The following CASZ1 variants were observed in gnomAD, a reference collection of about 807,000 sequenced individuals.
CASZ1 encodes castor zinc finger 1, also known as zinc finger protein castor homolog 1.
In CASZ1, 28 loss-of-function variants were observed where a neutral mutation model predicts 135.2. The ratio of observed to expected loss-of-function variants is 0.21; its 90% CI spans 0.15 to 0.28. The LOEUF is 0.28. Ranked by LOEUF, CASZ1 falls within the 10% of genes least tolerant of loss-of-function variation. The pLI is 1.00. For synonymous variants in CASZ1, 1,068 were observed against 1,073.4 expected (o/e 0.99, Z 0.10); for missense variants, 2,161 against 2,453.3 (o/e 0.88, Z 2.52).
rs995318030 is a variant in CASZ1 at position 10,639,562 on chromosome 1, T to C, written c.4660A>G (p.Ser1554Gly). Residue 1554 changes from serine to glycine, a missense_variant, in exon 21 of 21, where the codon AGC becomes GGC. Ser to Gly is a moderately conservative substitution (Grantham distance 56). Around this residue, in one of 7 missense-constraint regions of CASZ1, gnomAD observed 240 missense variants for 321.4 expected, o/e 0.75. Transcript: ENST00000377022. The surrounding 1 kb of genome is among the most constrained non-coding windows in gnomAD (Gnocchi z 4.0). The stretch of plus-strand genomic sequence containing the variant: ...CAGTCGGGCACGGCGCAGTCGGCGC[T>C]GGAGCTGAACTGGCAGAAGCCCGCG... ...SAAGFCQFSS[S>G]ADCAVPDCKY... 4.3e-6 allele frequency: 7 copies of C among 1,611,126 alleles called. No individual in the cohort carries two copies. Among genetic ancestry groups the C allele is most frequent in the Non-Finnish European group, 5.9e-6 (7 of 1,178,860 alleles).
rs1345833139 is a variant in CASZ1 at position 10,717,007 on chromosome 1, G to A, written c.-76-11463C>T. Among the ~76,000 whole-genome samples the A allele has an allele frequency of 6.6e-6, 1 of 152,092 alleles. No homozygotes were observed. The highest frequency in any genetic ancestry group is 1.5e-5 in the Non-Finnish European group (1 of 67,994). On this transcript the variant is annotated intron_variant, in intron 2 of 20. Coordinates refer to ENST00000377022, the MANE Select transcript of CASZ1 (RefSeq NM_001079843.3). The surrounding 1 kb of genome is among the most constrained non-coding windows in gnomAD (Gnocchi z 4.6). Reference sequence around the variant, plus strand: ...TGCCTTCACCAGCACAGGCAGGCGGGGCACAGACCTAGCAGAGGGCTGGGC... The same window carrying A: ...TGCCTTCACCAGCACAGGCAGGCGGAGCACAGACCTAGCAGAGGGCTGGGC...
rs188718443 is a variant in CASZ1, at chr1:10,703,289, G to A, written c.-24+2203C>T. On this transcript the variant is annotated intron_variant, in intron 3 of 20. Transcript: ENST00000377022. ...CACAGCAGTAGAACCGGGCCAGGGC[G>A]GCCTTGGTCCCTGGTCCTAGACAGA... is the stretch of plus-strand genomic sequence containing the variant. Among the ~76,000 whole-genome samples, 92 of 152,220 alleles carry A rather than the reference G, an allele frequency of 6.0e-4. 1 individual carries two copies. The highest frequency in any genetic ancestry group is 8.4e-4 in the Non-Finnish European group (57 of 68,016).
chr1:10,692,132 T>A (rs1285550554), intron 4 of CASZ1, among the ~76,000 whole-genome samples: 1 of 152,146 alleles, frequency 6.6e-6, no homozygotes, highest in Non-Finnish European at 1.5e-5. Flanking sequence ...AGGCCCTCGC[T>A]CCAGTCAGGA....
chr1:10,748,284 G>A lies in CASZ1; in HGVS notation c.-77+12417C>T, dbSNP rs145813027. Reference sequence around the variant, plus strand: ...ATACCATGTTCTTCACCTATCCTGGGCAGGGGCGGCAGGCCGAGCCCTGTG... The same window carrying A: ...ATACCATGTTCTTCACCTATCCTGGACAGGGGCGGCAGGCCGAGCCCTGTG... On this transcript the variant is annotated intron_variant, in intron 2 of 20. Transcript: ENST00000377022. 7.2e-3 allele frequency among the ~76,000 whole-genome samples: 1,098 copies of A among 152,174 alleles called. 13 individuals are homozygous for A. Among genetic ancestry groups the A allele is most frequent in the East Asian group, 0.03 (156 of 5,174 alleles).
Position 10,777,019 on chromosome 1 carries a change from G to C in CASZ1, c.-233-16162C>G, listed in dbSNP as rs1008699202. 6.6e-6 allele frequency among the ~76,000 whole-genome samples: 1 copy of C among 152,184 alleles called. No homozygotes were observed. The highest frequency in any genetic ancestry group is 1.5e-5 in the Non-Finnish European group (1 of 68,032). On this transcript the variant is annotated intron_variant, in intron 1 of 20. Transcript: ENST00000377022. This position sits in a 1 kb window ranked among gnomAD's most constrained non-coding sequence, Gnocchi z 4.4. ...CGGCCAGCCTCACCCTGAGCCAGTGGGGAAGATGACCGTGTTTCCAAATGG... is the reference window on the plus strand; with the variant it reads ...CGGCCAGCCTCACCCTGAGCCAGTGCGGAAGATGACCGTGTTTCCAAATGG...
At position 10,639,083 on chromosome 1, in the gene CASZ1, CTCGTCG is replaced by C. The variant is rs201089181; in HGVS notation, c.5133_5138del (p.Asp1711_Asp1712del). 0.04 allele frequency: 46,051 copies of C among 1,146,490 alleles called. 1,261 individuals are homozygous for C. The highest frequency in any genetic ancestry group is 0.091 in the South Asian group (4,470 of 48,908). The allele number at this position is 1,146,490 out of a possible 1,614,324, so 71.0% of individuals were successfully genotyped here. On this transcript the variant is annotated inframe_deletion, in exon 21 of 21. Transcript: ENST00000377022. This position sits in a 1 kb window ranked among gnomAD's most constrained non-coding sequence, Gnocchi z 4.0. ...ACTCCTCCGAGTCGGTGCGCAGGTC[CTCGTCG>C]TCGTCGTCCTCGTCGTCGTCCTCGT...
rs1046951682 is a variant in CASZ1, at chr1:10,794,905, C to T, written c.-234+1659G>A. On this transcript the variant is annotated intron_variant, in intron 1 of 20. Transcript: ENST00000377022. This position sits in a 1 kb window ranked among gnomAD's most constrained non-coding sequence, Gnocchi z 5.6. ...AACCGCCCGCCCGCCCGCGCCCGGC[C>T]AGCCCCCGCCAGCGGCCCCAGCGCG... Among the ~76,000 whole-genome samples, 3 of 151,036 alleles carry T rather than the reference C, an allele frequency of 2.0e-5. No homozygotes were observed. Among genetic ancestry groups the T allele is most frequent in the Admixed American group, 6.6e-5 (1 of 15,150 alleles).
chr1:10,738,721 G>T lies in CASZ1; in HGVS notation c.-77+21980C>A, dbSNP rs923997866. ...ATCAAGCGTAAACCCCACAGGGAGAGGGGGAGGAGAGGGAGGCAGGCCTGT... is the reference window on the plus strand; with the variant it reads ...ATCAAGCGTAAACCCCACAGGGAGATGGGGAGGAGAGGGAGGCAGGCCTGT... On this transcript the variant is annotated intron_variant, in intron 2 of 20. Transcript: ENST00000377022. Among the ~76,000 whole-genome samples, 18 of 152,282 alleles carry T rather than the reference G, an allele frequency of 1.2e-4. No individual in the cohort carries two copies. The East Asian group carries it at 3.3e-3, about 28-fold the overall frequency.
intron 4 of CASZ1, among the ~76,000 whole-genome samples, chr1:10,672,831 C>G (rs796489775): frequency 4.6e-5 from 7 of 152,364 alleles, no homozygotes; most frequent in African/African-American, 1.7e-4. Flanking sequence ...ACACACTCAT[C>G]AGCTCCAACT....
At chr1:10,644,291 T>G (rs1317395853) in intron 18 of CASZ1, among the ~76,000 whole-genome samples, 6 of 152,158 alleles carry the variant, frequency 3.9e-5, no homozygotes, top group African/African-American at 1.4e-4. Context: ...CACGGCTACC[T>G]CTCAGGCATC....
chr1:10,722,316 A>G (rs1639512316), intron 2 of CASZ1, among the ~76,000 whole-genome samples: 1 of 152,252 alleles, frequency 6.6e-6, no homozygotes, highest in African/African-American at 2.4e-5. Flanking sequence ...GTTTTGCTGA[A>G]GACACTCAGT....
chr1:10,787,700 C>T (rs1195611083), intron 1 of CASZ1, among the ~76,000 whole-genome samples: 1 of 152,128 alleles, frequency 6.6e-6, no homozygotes, highest in Non-Finnish European at 1.5e-5. Flanking sequence ...CAGAGACCAT[C>T]AGCAAAGAGG....
rs57183329 is a variant in CASZ1 at position 10,674,727 on chromosome 1, C to T, written c.17-9156G>A. On this transcript the variant is annotated intron_variant, in intron 4 of 20. Transcript: ENST00000377022. ...TTCCTGCCTGGTAACTGCAGGGCACCGCGGACCTGGAGTTCAGCCCCGTGT... is the reference window on the plus strand; with the variant it reads ...TTCCTGCCTGGTAACTGCAGGGCACTGCGGACCTGGAGTTCAGCCCCGTGT... Among the ~76,000 whole-genome samples the T allele has an allele frequency of 8.1e-3, 1,238 of 152,324 alleles. 21 individuals are homozygous for T. The highest frequency in any genetic ancestry group is 0.028 in the African/African-American group (1,179 of 41,576).
At chr1:10,661,515 A>T (rs1242767082) in intron 5 of CASZ1, 3 of 150,534 alleles carry the variant, frequency 2.0e-5, no homozygotes, top group African/African-American at 7.5e-5. Context: ...CAACACACAC[A>T]TGCATTCTCA....
chr1:10,704,914 G>A (rs1639140952), intron 3 of CASZ1, among the ~76,000 whole-genome samples: 1 of 152,286 alleles, frequency 6.6e-6, no homozygotes, highest in African/African-American at 2.4e-5. Context: ...TTGGACTTCA[G>A]GGGAGCCCCG....
At chr1:10,675,777 C>T (rs1416445458) in intron 4 of CASZ1, among the ~76,000 whole-genome samples, 1 of 149,574 alleles carries the variant, frequency 6.7e-6, no homozygotes, top group Non-Finnish European at 1.5e-5. Flanking sequence ...CGGGGGCCAG[C>T]CAGCCTAGCA....
rs1639041706 is a variant in CASZ1 at position 10,700,568 on chromosome 1, G to A, written c.-24+4924C>T. Among the ~76,000 whole-genome samples, 1 of 152,306 alleles carries A rather than the reference G, an allele frequency of 6.6e-6. No individual in the cohort carries two copies. Among genetic ancestry groups the A allele is most frequent in the South Asian group, 2.1e-4 (1 of 4,826 alleles). On this transcript the variant is annotated intron_variant, in intron 3 of 20. Transcript: ENST00000377022. This position sits in a 1 kb window ranked among gnomAD's most constrained non-coding sequence, Gnocchi z 4.2. ...TAGGCACATGTGTGTCAGGGGTGGG[G>A]TGGGGGTTAGCCAGGACATCAAGCA... is the stretch of plus-strand genomic sequence containing the variant.
At position 10,653,598 on chromosome 1, in the gene CASZ1, A is replaced by T; in HGVS notation, c.2459T>A (p.Leu820His). 6.4e-7 allele frequency: 1 copy of T among 1,554,652 alleles called. No homozygotes were observed. The highest frequency in any genetic ancestry group is 8.7e-7 in the Non-Finnish European group (1 of 1,148,604). The change falls in exon 11 of 21, where the codon CTC becomes CAC. Residue 820 changes from leucine (L) to histidine (H), a missense_variant. Physicochemically the swap from Leu to His is moderately conservative, Grantham distance 99. Coordinates refer to ENST00000377022, the MANE Select transcript of CASZ1 (RefSeq NM_001079843.3). ...STSLPVGTPS[L>H]LGAVSSGSAA... ...TGACCCAGACGACACGGCACCCAGG[A>T]GGCTGGGGGTGCCCACAGGCAGGGA...
At chr1:10,771,842 C>T (rs891266630) in intron 1 of CASZ1, among the ~76,000 whole-genome samples, 2 of 152,158 alleles carry the variant, frequency 1.3e-5, no homozygotes, top group African/African-American at 2.4e-5. Flanking sequence ...CCCTGGAACC[C>T]GCTTCCAGCC....
Sources: gnomAD v4.1 joint callset for allele counts (sites outside exome capture counted in the v4.1 genomes callset) on GRCh38, gnomAD v4.1.1 for gene constraint, gnomAD v4.1.1 regional missense constraint, Gnocchi (gnomAD v3.1) non-coding constraint, MANE v1.5 for transcripts, NCBI Gene and HGNC (gene_info 2026-07-23, HGNC 2026-07-21) for gene names.